Variants in CRY1 observed in about 807,000 individuals in gnomAD.
The protein encoded by CRY1 is cryptochrome-1.
In CRY1, 45 loss-of-function variants were observed where a neutral mutation model predicts 76.0. The observed-to-expected ratio is 0.59, with a 90% CI of 0.47 to 0.76. The LOEUF (loss-of-function observed/expected upper bound fraction) is 0.76, where lower values mean the gene tolerates loss of function less well. CRY1 is among the 30% of genes least tolerant of loss of function. The pLI is 0.00. For missense variants in CRY1, 587 were observed against 716.4 expected, an observed-to-expected ratio of 0.82 and a Z score of 2.06; for synonymous variants, 248 against 244.0, an observed-to-expected ratio of 1.02 and a Z score of -0.15.
chr12:107,064,634 T>C (rs1274324512), intron 1 of CRY1, among the ~76,000 whole-genome samples: 1 of 151,810 alleles, frequency 6.6e-6, no homozygotes. Flanking sequence ...ACAGAATAAC[T>C]TAGAAATAGA....
intron 10 of CRY1, among the ~76,000 whole-genome samples, chr12:106,994,917 C>CT (rs1440860529): frequency 6.6e-6 from 1 of 152,252 alleles, no homozygotes; most frequent in Non-Finnish European, 1.5e-5. Context: ...GTAGGAGATA[C>CT]TGAGAAGGAA....
chr12:106,998,205 T>C, intron 7 of CRY1, 139 bp from the exon 8 acceptor site: 3 of 905,866 alleles, frequency 3.3e-6, no homozygotes, highest in Non-Finnish European at 5.0e-6. Flanking sequence ...AAAGTTAGCT[T>C]CCCTATGTTC....
chr12:107,031,246 T>C (rs1790688615), intron 1 of CRY1, among the ~76,000 whole-genome samples: 1 of 152,180 alleles, frequency 6.6e-6, no homozygotes, highest in South Asian at 2.1e-4. Context: ...CTGAGAACTC[T>C]GAGCTTCATC....
intron 2 of CRY1, 144 bp downstream of exon 2, chr12:107,021,940 T>C: frequency 5.0e-6 from 3 of 595,946 alleles, no homozygotes. Flanking sequence ...AGCTTTTTCA[T>C]TAAATAAAGA....
chr12:107,053,773 G>A (rs1029070919), intron 1 of CRY1, among the ~76,000 whole-genome samples: 6 of 152,236 alleles, frequency 3.9e-5, no homozygotes, highest in South Asian at 2.1e-4. Context: ...AAACTCAGAC[G>A]GAGATTCATC....
At chr12:107,020,433 A>G (rs751168686) in intron 2 of CRY1, among the ~76,000 whole-genome samples, 15 of 152,162 alleles carry the variant, frequency 9.9e-5, no homozygotes, top group East Asian at 1.9e-4. Context: ...ATAATCGCCA[A>G]TGTTGGAAGT....
At chr12:107,001,649 T>C in intron 4 of CRY1, 115 bp downstream of exon 4, 2 of 957,114 alleles carry the variant, frequency 2.1e-6, no homozygotes, top group East Asian at 2.6e-5. Context: ...CCCCCTGCCC[T>C]TTCTTTCTCT....
chr12:107,005,010 A>T, intron 3 of CRY1, 96 bp downstream of exon 3: 1 of 1,118,478 alleles, frequency 8.9e-7, no homozygotes, highest in Non-Finnish European at 1.3e-6. Flanking sequence ...TTATCTATGT[A>T]GTTAATACCA....
At chr12:107,028,552 A>G (rs903378419) in intron 1 of CRY1, among the ~76,000 whole-genome samples, 1 of 152,170 alleles carries the variant, frequency 6.6e-6, no homozygotes, top group Admixed American at 6.5e-5. Flanking sequence ...ATTTCCATAC[A>G]CACAATTTTA....
At chr12:107,075,006 ACT>A (rs1459671328) in intron 1 of CRY1, among the ~76,000 whole-genome samples, 2 of 141,404 alleles carry the variant, frequency 1.4e-5, no homozygotes, top group Non-Finnish European at 3.1e-5. Flanking sequence ...CAAGAGTGAA[ACT>A]CTGTCTCAAA....
chr12:107,010,176 C>T (rs1038916266), intron 2 of CRY1, among the ~76,000 whole-genome samples: 22 of 151,976 alleles, frequency 1.4e-4, no homozygotes, highest in Non-Finnish European at 2.9e-4. Context: ...ATAGTGTTTA[C>T]GATATTCTTT....
intron 1 of CRY1, among the ~76,000 whole-genome samples, chr12:107,060,219 CAT>C (rs1458575538): frequency 5.3e-5 from 8 of 152,200 alleles, no homozygotes; most frequent in East Asian, 1.9e-4. Flanking sequence ...CCAAAAAGCA[CAT>C]GTTAGAAACT....
At chr12:107,020,377 G>C (rs1465535894) in intron 2 of CRY1, among the ~76,000 whole-genome samples, 1 of 152,130 alleles carries the variant, frequency 6.6e-6, no homozygotes, top group Non-Finnish European at 1.5e-5. Flanking sequence ...AATAGTAGTT[G>C]ACATGGTTTG....
intron 1 of CRY1, among the ~76,000 whole-genome samples, chr12:107,054,674 A>G (rs1417928928): frequency 6.6e-6 from 1 of 151,448 alleles, no homozygotes; most frequent in African/African-American, 2.4e-5. Flanking sequence ...GGGATACAAA[A>G]AAGTTGACTA....
chr12:106,994,826 G>T (rs2136816940), intron 10 of CRY1, among the ~76,000 whole-genome samples: 1 of 152,328 alleles, frequency 6.6e-6, no homozygotes, highest in African/African-American at 2.4e-5. Flanking sequence ...TCATGTGTGG[G>T]CTGACAAGGC....
intron 1 of CRY1, among the ~76,000 whole-genome samples, chr12:107,078,819 T>TACTTTCTCCCTC (rs1168191680): frequency 6.6e-6 from 1 of 152,154 alleles, no homozygotes; most frequent in Admixed American, 6.6e-5. Flanking sequence ...TCTTACACTC[T>TACTTTCTCCCTC]ACTTTCTCCC....
At chr12:107,067,091 T>A (rs965403168) in intron 1 of CRY1, among the ~76,000 whole-genome samples, 2 of 152,068 alleles carry the variant, frequency 1.3e-5, no homozygotes, top group African/African-American at 4.8e-5. Context: ...ATAAAACAAA[T>A]AGGAAATAGT....
intron 1 of CRY1, among the ~76,000 whole-genome samples, chr12:107,092,313 T>C (rs1953481093): frequency 6.6e-6 from 1 of 152,242 alleles, no homozygotes; most frequent in East Asian, 1.9e-4. Flanking sequence ...CAGATAATGC[T>C]GTTTCCCTTG....
rs187785811 is a variant in CRY1 at position 107,086,259 on chromosome 12, A to G, written c.158+6545T>C. ...AAGACAAAGTTAAAGCTAATAATTA[A>G]GAGAAAAACAGAGCATACAAATTTG... On this transcript the variant is annotated intron_variant, in intron 1 of 12. Coordinates refer to ENST00000008527, the MANE Select transcript of CRY1 (RefSeq NM_004075.5). Among the ~76,000 whole-genome samples the G allele has an allele frequency of 2.0e-5, 3 of 152,352 alleles. No individual in the cohort carries two copies. In the East Asian group the frequency reaches 5.8e-4, roughly 29 times the overall value.
Sources: gnomAD v4.1 joint callset for allele counts (sites outside exome capture counted in the v4.1 genomes callset) on GRCh38, gnomAD v4.1.1 for gene constraint, MANE v1.5 for transcripts, NCBI Gene and HGNC (gene_info 2026-07-23, HGNC 2026-07-21) for gene names.